The following HPCAL1 variants were observed in gnomAD, a reference collection of about 807,000 sequenced individuals.
HPCAL1 encodes the protein hippocalcin-like protein 1.
Under a neutral mutation model 17.1 loss-of-function variants are expected in HPCAL1, and 8 were observed. The observed-to-expected ratio is 0.47, with a 90% CI of 0.27 to 0.84. The LOEUF is 0.84. Among genes scored for constraint, HPCAL1 ranks in the 40% least tolerant of loss-of-function variants. The probability of loss-of-function intolerance (pLI) is 0.13; values close to 1 mark genes in which losing one functional copy is unlikely to be tolerated. For missense variants in HPCAL1, 165 were observed against 271.1 expected (o/e 0.61, Z 2.75); for synonymous variants, 112 against 111.4 (o/e 1.01, Z -0.03).
At chr2:10,305,455 C>A (rs537786290) in intron 1 of HPCAL1, among the ~76,000 whole-genome samples, 1 of 152,314 alleles carries the variant, frequency 6.6e-6, no homozygotes, top group African/African-American at 2.4e-5. Flanking sequence ...CCCGGGGGCC[C>A]TGCCTCTCCC....
At chr2:10,373,392 A>AG (rs1281561477) in intron 1 of HPCAL1, among the ~76,000 whole-genome samples, 1 of 152,086 alleles carries the variant, frequency 6.6e-6, no homozygotes, top group Non-Finnish European at 1.5e-5. Context: ...GTGAGACATG[A>AG]GGGGGTCACA....
At chr2:10,373,679 C>T (rs914812180) in intron 1 of HPCAL1, among the ~76,000 whole-genome samples, 11 of 152,054 alleles carry the variant, frequency 7.2e-5, no homozygotes, top group Non-Finnish European at 7.4e-5. Context: ...CGTCCAGCCT[C>T]GAGCAGCTGC....
At chr2:10,399,544 T>TCACCATCACCACCAC (rs1558518835) in intron 2 of HPCAL1, among the ~76,000 whole-genome samples, 12 of 19,672 alleles carry the variant, frequency 6.1e-4, no homozygotes, top group Admixed American at 7.4e-4. Flanking sequence ...ACCGCCACCA[T>TCACCATCACCACCAC]CACCGCCACC....
chr2:10,394,567 G>A lies in HPCAL1; in HGVS notation c.-110-2268G>A, dbSNP rs1052707701. On this transcript the variant is annotated intron_variant, in intron 1 of 4. Coordinates refer to ENST00000307845, the MANE Select transcript of HPCAL1 (RefSeq NM_002149.4). The surrounding 1 kb of genome is among the most constrained non-coding windows in gnomAD (Gnocchi z 5.0). ...GATGCTGTAATGGTGGGTGCGCATC[G>A]GTACACGTTTGTCAAAGCCCACGGA... Among the ~76,000 whole-genome samples the A allele has an allele frequency of 1.3e-5, 2 of 152,186 alleles. No homozygotes were observed. The highest frequency in any genetic ancestry group is 6.5e-5 in the Admixed American group (1 of 15,280).
chr2:10,303,839 T>C, intron 1 of HPCAL1: 1 of 152,284 alleles, frequency 6.6e-6, no homozygotes, highest in Non-Finnish European at 1.5e-5. Flanking sequence ...CCGGTCGCGG[T>C]TTGCTTCTCT....
At position 10,407,624 on chromosome 2, in the gene HPCAL1, G is replaced by A. The variant is rs1403471973; in HGVS notation, c.-25+10704G>A. Among the ~76,000 whole-genome samples, 5 of 152,220 alleles carry A rather than the reference G, an allele frequency of 3.3e-5. No homozygotes were observed. In the South Asian group the frequency reaches 8.3e-4, roughly 25 times the overall value. On this transcript the variant is annotated intron_variant, in intron 2 of 4. Coordinates refer to ENST00000307845, the MANE Select transcript of HPCAL1 (RefSeq NM_002149.4). ...GGGTCAGGGTGAGGGACCAGAGGGTGAGGGTGGATGCTCTTTGAGGTGGGT... is the reference window on the plus strand; with the variant it reads ...GGGTCAGGGTGAGGGACCAGAGGGTAAGGGTGGATGCTCTTTGAGGTGGGT...
intron 1 of HPCAL1, among the ~76,000 whole-genome samples, chr2:10,385,803 G>A (rs1015930075): frequency 1.3e-5 from 2 of 152,134 alleles, no homozygotes; most frequent in Non-Finnish European, 2.9e-5. Flanking sequence ...TGTTCTGTAG[G>A]CTCCTGATTA....
chr2:10,403,607 C>T (rs1478290923), intron 2 of HPCAL1, among the ~76,000 whole-genome samples: 1 of 152,060 alleles, frequency 6.6e-6, no homozygotes, highest in Non-Finnish European at 1.5e-5. Flanking sequence ...CCTCAGCCTC[C>T]TGAGTAGCTG....
chr2:10,393,189 T>A (rs139293756), intron 1 of HPCAL1, among the ~76,000 whole-genome samples: 20 of 152,364 alleles, frequency 1.3e-4, no homozygotes, highest in African/African-American at 4.6e-4. Flanking sequence ...TTCTGCATAA[T>A]GACTTCTGCT....
At chr2:10,335,626 G>T (rs1482430737) in intron 1 of HPCAL1, among the ~76,000 whole-genome samples, 1 of 152,164 alleles carries the variant, frequency 6.6e-6, no homozygotes, top group Non-Finnish European at 1.5e-5. Context: ...TTCCTTAGAG[G>T]TCTAGAATAT....
At chr2:10,397,221 G>A (rs11681700) in intron 2 of HPCAL1, among the ~76,000 whole-genome samples, 16,709 of 151,982 alleles carry the variant, frequency 0.11, 1,033 homozygotes, top group South Asian at 0.23. Context: ...TCTGTTTGGC[G>A]ATTTGTCAGG....
intron 1 of HPCAL1, among the ~76,000 whole-genome samples, chr2:10,347,425 A>T (rs1365108439): frequency 3.3e-5 from 5 of 152,160 alleles, no homozygotes; most frequent in Admixed American, 3.3e-4. Flanking sequence ...GATAATGGTC[A>T]CTTCGCCTAA....
rs954032594 is a variant in HPCAL1 at position 10,365,686 on chromosome 2, G to A, written c.-110-31149G>A. Reference sequence around the variant, plus strand: ...AGCTAACAGGTGCTTGGTGGTCCCCGCCCACCCTCCTTCAGGCTCCCTACA... The same window carrying A: ...AGCTAACAGGTGCTTGGTGGTCCCCACCCACCCTCCTTCAGGCTCCCTACA... On this transcript the variant is annotated intron_variant, in intron 1 of 4. Transcript: ENST00000307845. This position sits in a 1 kb window ranked among gnomAD's most constrained non-coding sequence, Gnocchi z 4.8. Among the ~76,000 whole-genome samples the A allele has an allele frequency of 9.2e-5, 14 of 151,846 alleles. 1 individual carries two copies. The highest frequency in any genetic ancestry group is 7.3e-5 in the African/African-American group (3 of 41,298).
intron 1 of HPCAL1, among the ~76,000 whole-genome samples, chr2:10,375,392 G>A (rs1028888454): frequency 1.3e-5 from 2 of 152,296 alleles, no homozygotes; most frequent in African/African-American, 2.4e-5. Context: ...CAGGACTCGG[G>A]GCTTTCCTGG....
rs1323707835 is a variant in HPCAL1 at position 10,362,504 on chromosome 2, A to G, written c.-110-34331A>G. 6.6e-6 allele frequency among the ~76,000 whole-genome samples: 1 copy of G among 152,166 alleles called. No homozygotes were observed. Among genetic ancestry groups the G allele is most frequent in the Non-Finnish European group, 1.5e-5 (1 of 68,028 alleles). On this transcript the variant is annotated intron_variant, in intron 1 of 4. Transcript: ENST00000307845. This position sits in a 1 kb window ranked among gnomAD's most constrained non-coding sequence, Gnocchi z 5.0. ...CAAGAGGAGGAGAGGACAGGGAAGGAACATGTCTGCTTCTTTCCTTCAGGA... is the reference window on the plus strand; with the variant it reads ...CAAGAGGAGGAGAGGACAGGGAAGGGACATGTCTGCTTCTTTCCTTCAGGA...
intron 2 of HPCAL1, among the ~76,000 whole-genome samples, chr2:10,413,730 TG>T (rs1241224884): frequency 6.6e-6 from 1 of 152,260 alleles, no homozygotes; most frequent in African/African-American, 2.4e-5. Flanking sequence ...ATAAGTGTTA[TG>T]AGTTTGGCAT....
At chr2:10,420,352 G>C (rs948872503) in intron 3 of HPCAL1, among the ~76,000 whole-genome samples, 1 of 151,516 alleles carries the variant, frequency 6.6e-6, no homozygotes, top group Non-Finnish European at 1.5e-5. Flanking sequence ...TCCATGCCCT[G>C]TTAATTTTTT....
chr2:10,402,387 C>A (rs1228924023), intron 2 of HPCAL1, among the ~76,000 whole-genome samples: 1 of 152,170 alleles, frequency 6.6e-6, no homozygotes, highest in Admixed American at 6.5e-5. Context: ...GGGTGCGTTG[C>A]CACAACTCTC....
At chr2:10,309,351 A>G (rs1662814856) in intron 1 of HPCAL1, among the ~76,000 whole-genome samples, 1 of 152,218 alleles carries the variant, frequency 6.6e-6, no homozygotes, top group Non-Finnish European at 1.5e-5. Context: ...ATTTTTCTAA[A>G]TGAAAAAACT....
Sources: allele counts gnomAD v4.1 joint callset (sites outside exome capture counted in the v4.1 genomes callset), GRCh38; gene constraint gnomAD v4.1.1; non-coding constraint Gnocchi (gnomAD v3.1); transcripts MANE v1.5; gene names NCBI Gene and HGNC (gene_info 2026-07-23, HGNC 2026-07-21).